COLEC12: variants seen among roughly 807,000 people sequenced by gnomAD.
The protein encoded by COLEC12 is collectin-12.
In COLEC12, 33 loss-of-function variants were observed where a neutral mutation model predicts 71.1. That is an observed-to-expected ratio of 0.46 (90% CI 0.35 to 0.62). The LOEUF (loss-of-function observed/expected upper bound fraction) is 0.62. COLEC12 is among the 20% of genes least tolerant of loss of function. COLEC12 has a pLI of 0.00. For synonymous variants in COLEC12, 350 were observed against 353.0 expected (o/e 0.99, Z 0.10); for missense variants, 765 against 916.1 (o/e 0.84, Z 2.13).
intron 2 of COLEC12, among the ~76,000 whole-genome samples, chr18:413,998 G>C (rs1383319986): frequency 1.3e-5 from 2 of 152,210 alleles, no homozygotes; most frequent in Non-Finnish European, 2.9e-5. Flanking sequence ...TGATGAAGAA[G>C]TAGGTGGAGG....
chr18:440,378 T>TACACACAC (rs142637035), intron 2 of COLEC12, among the ~76,000 whole-genome samples: 1 of 121,334 alleles, frequency 8.2e-6, no homozygotes, highest in Non-Finnish European at 1.9e-5. Flanking sequence ...CACACACACA[T>TACACACAC]ACACACACAC....
At chr18:490,822 T>C (rs1408885379) in intron 1 of COLEC12, among the ~76,000 whole-genome samples, 2 of 152,150 alleles carry the variant, frequency 1.3e-5, no homozygotes, top group African/African-American at 2.4e-5. Flanking sequence ...TCATAGCAAA[T>C]GCAGACATTT....
chr18:439,634 T>C (rs1916475067), intron 2 of COLEC12, among the ~76,000 whole-genome samples: 1 of 151,796 alleles, frequency 6.6e-6, no homozygotes, highest in African/African-American at 2.4e-5. Context: ...AAAACCACAA[T>C]GAAATGTTAC....
chr18:371,357 G>T (rs1163813224), intron 2 of COLEC12, among the ~76,000 whole-genome samples: 1 of 152,166 alleles, frequency 6.6e-6, no homozygotes, highest in Non-Finnish European at 1.5e-5. Context: ...CTGCATAGAA[G>T]TCAATCTTCT....
intron 2 of COLEC12, among the ~76,000 whole-genome samples, chr18:439,164 C>A (rs1473149467): frequency 6.6e-6 from 1 of 152,182 alleles, no homozygotes; most frequent in East Asian, 1.9e-4. Flanking sequence ...GTTCCTTGTT[C>A]AAACTTTCAC....
intron 3 of COLEC12, among the ~76,000 whole-genome samples, chr18:349,756 C>T (rs1328894712): frequency 2.0e-5 from 3 of 152,216 alleles, no homozygotes; most frequent in Non-Finnish European, 4.4e-5. Flanking sequence ...GATGTGCGAC[C>T]TGGAGTCAAA....
intron 2 of COLEC12, among the ~76,000 whole-genome samples, chr18:443,340 T>C (rs1394452493): frequency 6.6e-6 from 1 of 152,234 alleles, no homozygotes; most frequent in Non-Finnish European, 1.5e-5. Context: ...CATTTCCTCA[T>C]GGCTGAAAGA....
chr18:495,942 G>C (rs2143797782), intron 1 of COLEC12, among the ~76,000 whole-genome samples: 1 of 152,270 alleles, frequency 6.6e-6, no homozygotes, highest in Admixed American at 6.5e-5. Flanking sequence ...ATAATGCCTG[G>C]CATGGCAGGT....
At chr18:334,658 G>A (rs1914063094) in intron 6 of COLEC12, 84 bp downstream of exon 6, 12 of 1,224,708 alleles carry the variant, frequency 9.8e-6, no homozygotes, top group Non-Finnish European at 3.3e-6. Context: ...AATAACATGG[G>A]TGGGGCCACA....
chr18:438,585 G>A (rs1049652601), intron 2 of COLEC12, among the ~76,000 whole-genome samples: 3 of 152,128 alleles, frequency 2.0e-5, no homozygotes, highest in African/African-American at 4.8e-5. Context: ...GGCCAAGGCA[G>A]GAGATCACTT....
intron 2 of COLEC12, among the ~76,000 whole-genome samples, chr18:476,626 G>A (rs1489648535): frequency 2.0e-5 from 3 of 152,230 alleles, no homozygotes; most frequent in African/African-American, 7.2e-5. Context: ...GCTCCAGAGG[G>A]AGGGCCCAGG....
chr18:481,510 GC>G (rs773564911), intron 1 of COLEC12, among the ~76,000 whole-genome samples: 1,634 of 152,308 alleles, frequency 0.011, 10 homozygotes, highest in Non-Finnish European at 0.017. Context: ...TTCGAGCCCA[GC>G]CTGGCCAACA....
At chr18:441,407 G>A (rs1916532353) in intron 2 of COLEC12, among the ~76,000 whole-genome samples, 1 of 150,200 alleles carries the variant, frequency 6.7e-6, no homozygotes, top group Admixed American at 6.6e-5. Context: ...GAGAAACACT[G>A]GGCTTAATCA....
chr18:321,023 A>G (rs1391254475), intron 9 of COLEC12, among the ~76,000 whole-genome samples: 1 of 152,156 alleles, frequency 6.6e-6, no homozygotes, highest in Non-Finnish European at 1.5e-5. Context: ...CTGTGTATGG[A>G]TGTCTACGGA....
chr18:455,916 G>A (rs1211290886), intron 2 of COLEC12, among the ~76,000 whole-genome samples: 1 of 152,070 alleles, frequency 6.6e-6, no homozygotes, highest in Non-Finnish European at 1.5e-5. Flanking sequence ...CCATTCATGG[G>A]CATTTGGGTT....
rs1173647245 is a variant in COLEC12 at position 362,322 on chromosome 18, TCCCCCTC to T, written c.59-4807_59-4801del. On this transcript the variant is annotated intron_variant, in intron 2 of 9. Coordinates refer to ENST00000400256, the MANE Select transcript of COLEC12 (RefSeq NM_130386.3). The surrounding 1 kb of genome is among the most constrained non-coding windows in gnomAD (Gnocchi z 4.6). ...TTGACACGCTTTCTCTGTCTTGTTT[TCCCCCTC>T]CCCTGACTTCTTTTTAATAAGAATT... 1.3e-5 allele frequency among the ~76,000 whole-genome samples: 2 copies of T among 152,124 alleles called. No homozygotes were observed. The highest frequency in any genetic ancestry group is 2.9e-5 in the Non-Finnish European group (2 of 68,008).
At chr18:468,746 A>G (rs180808435) in intron 2 of COLEC12, among the ~76,000 whole-genome samples, 1 of 152,370 alleles carries the variant, frequency 6.6e-6, no homozygotes, top group Non-Finnish European at 1.5e-5. Context: ...AAACATAGGT[A>G]GTCTTGTTAT....
chr18:372,310 A>G (rs1915017813), intron 2 of COLEC12, among the ~76,000 whole-genome samples: 2 of 152,248 alleles, frequency 1.3e-5, no homozygotes, highest in South Asian at 4.1e-4. Context: ...TCCTGAAGTC[A>G]CTGAGACAAA....
intron 2 of COLEC12, among the ~76,000 whole-genome samples, chr18:470,793 G>T (rs1171042360): frequency 6.6e-6 from 1 of 151,998 alleles, no homozygotes; most frequent in East Asian, 1.9e-4. Context: ...TTTTAACAAG[G>T]GGAACAATAT....
Sources: gnomAD v4.1 joint callset for allele counts (sites outside exome capture counted in the v4.1 genomes callset) on GRCh38, gnomAD v4.1.1 for gene constraint, Gnocchi (gnomAD v3.1) non-coding constraint, MANE v1.5 for transcripts, NCBI Gene and HGNC (gene_info 2026-07-23, HGNC 2026-07-21) for gene names.